GLRA3: variants seen among roughly 807,000 people sequenced by gnomAD.
GLRA3 encodes the protein glycine receptor subunit alpha-3.
A neutral mutation model predicts 60.4 loss-of-function variants in GLRA3; 44 were observed. That is an observed-to-expected ratio of 0.73 (90% confidence interval 0.57 to 0.94). GLRA3 has a LOEUF of 0.94. Ranked by LOEUF, GLRA3 falls within the 40% of genes least tolerant of loss-of-function variation. GLRA3 has a pLI of 0.00. For missense variants in GLRA3, 508 were observed against 564.6 expected (o/e 0.90, Z 1.02); for synonymous variants, 223 against 192.9 (o/e 1.16, Z -1.29).
chr4:174,736,277 T>A (rs1342514239), intron 3 of GLRA3, among the ~76,000 whole-genome samples: 1 of 152,150 alleles, frequency 6.6e-6, no homozygotes, highest in African/African-American at 2.4e-5. Context: ...AGATGATAAA[T>A]TTAAATTTAA....
At chr4:174,729,464 A>G (rs1480947443) in intron 3 of GLRA3, among the ~76,000 whole-genome samples, 2 of 152,208 alleles carry the variant, frequency 1.3e-5, no homozygotes, top group African/African-American at 4.8e-5. Context: ...ATAAAGGACG[A>G]TTATTGTCCA....
intron 4 of GLRA3, among the ~76,000 whole-genome samples, chr4:174,722,067 T>C (rs1736154377): frequency 1.3e-5 from 2 of 152,118 alleles, no homozygotes; most frequent in Non-Finnish European, 2.9e-5. Context: ...TCTATATCTA[T>C]ATCTGTATCT....
At chr4:174,664,085 T>C (rs1733565320) in intron 7 of GLRA3, among the ~76,000 whole-genome samples, 1 of 152,206 alleles carries the variant, frequency 6.6e-6, no homozygotes, top group African/African-American at 2.4e-5. Context: ...GCTCTTTCCA[T>C]GGCTTCTGTG....
chr4:174,772,942 G>A (rs948493193), intron 2 of GLRA3, among the ~76,000 whole-genome samples: 14 of 152,152 alleles, frequency 9.2e-5, no homozygotes, highest in Admixed American at 5.2e-4. Flanking sequence ...AAGGTATCAC[G>A]TTCTACCCCT....
chr4:174,797,577 C>T (rs926892052), intron 1 of GLRA3, among the ~76,000 whole-genome samples: 3 of 151,970 alleles, frequency 2.0e-5, no homozygotes, highest in Admixed American at 2.0e-4. Flanking sequence ...TAAATGTTGG[C>T]AGAAACCAAT....
At chr4:174,742,970 T>C (rs930690363) in intron 3 of GLRA3, among the ~76,000 whole-genome samples, 1 of 152,146 alleles carries the variant, frequency 6.6e-6, no homozygotes, top group Non-Finnish European at 1.5e-5. Context: ...GGACAACCTA[T>C]TTGATTATAT....
At chr4:174,783,638 C>A (rs1490506330) in intron 2 of GLRA3, among the ~76,000 whole-genome samples, 1 of 144,116 alleles carries the variant, frequency 6.9e-6, no homozygotes, top group African/African-American at 2.6e-5. Context: ...AAACAAACAA[C>A]CCCATCAAAA....
At chr4:174,678,092 GGAA>G (rs1734199165) in intron 6 of GLRA3, among the ~76,000 whole-genome samples, 1 of 152,072 alleles carries the variant, frequency 6.6e-6, no homozygotes, top group Admixed American at 6.6e-5. Flanking sequence ...CAAACAAATA[GGAA>G]AATATGTGTT....
At chr4:174,680,584 G>C (rs1206581847) in intron 6 of GLRA3, among the ~76,000 whole-genome samples, 2 of 152,126 alleles carry the variant, frequency 1.3e-5, no homozygotes, top group Non-Finnish European at 2.9e-5. Context: ...AAGGCCCTGA[G>C]ACAGACAGAG....
At position 174,715,518 on chromosome 4, in the gene GLRA3, C is replaced by T. The variant is rs775116852; in HGVS notation, c.544G>A (p.Val182Ile). The T allele has an allele frequency of 9.6e-6, 15 of 1,555,556 alleles. No homozygotes were observed. In the East Asian group the frequency reaches 3.2e-4, roughly 33 times the overall value. Residue 182 changes from valine (V) to isoleucine (I), a missense_variant, in exon 5 of 10, where the codon GTA becomes ATA. By Grantham distance (29) the Val-to-Ile change is conservative. This residue lies in a region of GLRA3 where 329 missense variants were observed against 349.3 expected (regional missense o/e 0.94). Coordinates refer to ENST00000274093, the MANE Select transcript of GLRA3 (RefSeq NM_006529.4). ...PMDLKNFPMD[V>I]QTCIMQLESF... ...TCCAGTTGCATTATACATGTTTGTA[C>T]ATCCATGGGAAAATTCTTGAGATCC...
intron 9 of GLRA3, among the ~76,000 whole-genome samples, chr4:174,647,147 C>T (rs968307792): frequency 2.6e-5 from 4 of 152,114 alleles, no homozygotes; most frequent in African/African-American, 7.2e-5. Flanking sequence ...AGGCTCACGC[C>T]CATAATCGCA....
chr4:174,737,801 G>C (rs7689159), intron 3 of GLRA3, among the ~76,000 whole-genome samples: 61,682 of 151,988 alleles, frequency 0.41, 13,100 homozygotes, highest in African/African-American at 0.5. Flanking sequence ...CGTGAGCCAC[G>C]GTGCCCAGCC....
intron 2 of GLRA3, among the ~76,000 whole-genome samples, chr4:174,767,910 G>A (rs921648419): frequency 1.3e-5 from 2 of 148,934 alleles, no homozygotes; most frequent in African/African-American, 5.2e-5. Context: ...AATTTTCCAG[G>A]TCCTTTATAA....
At chr4:174,683,221 T>C (rs551330455) in intron 5 of GLRA3, among the ~76,000 whole-genome samples, 1 of 152,336 alleles carries the variant, frequency 6.6e-6, no homozygotes, top group African/African-American at 2.4e-5. Context: ...CATTCTTTCC[T>C]TGGGATGGGT....
chr4:174,642,080 T>C lies in GLRA3; in HGVS notation c.*1706A>G. On this transcript the variant is annotated 3_prime_UTR_variant, in exon 10 of 10. Coordinates refer to ENST00000274093, the MANE Select transcript of GLRA3 (RefSeq NM_006529.4). Reference sequence around the variant, plus strand: ...TGCCAAACATGATATTATTTCCTTATAGTGTTGTTTTAAGTTACTTATAAA... The same window carrying C: ...TGCCAAACATGATATTATTTCCTTACAGTGTTGTTTTAAGTTACTTATAAA... 3.5e-6 allele frequency: 3 copies of C among 855,554 alleles called. No homozygotes were observed. Among genetic ancestry groups the C allele is most frequent in the Non-Finnish European group, 4.2e-6 (3 of 711,620 alleles). The allele number at this position is 855,554 out of a possible 1,614,324, so 53.0% of individuals were successfully genotyped here.
chr4:174,824,721 C>T (rs908011144), intron 1 of GLRA3, among the ~76,000 whole-genome samples: 3 of 152,126 alleles, frequency 2.0e-5, no homozygotes, highest in African/African-American at 7.2e-5. Context: ...TCTTACAAGG[C>T]CCACCACAAG....
chr4:174,730,971 G>A (rs975597911), intron 3 of GLRA3, among the ~76,000 whole-genome samples: 2 of 152,062 alleles, frequency 1.3e-5, no homozygotes, highest in Admixed American at 6.5e-5. Flanking sequence ...TTTCAAAATC[G>A]CTAAAAGAAT....
chr4:174,666,593 A>G (rs1733672679), intron 7 of GLRA3, among the ~76,000 whole-genome samples: 1 of 151,874 alleles, frequency 6.6e-6, no homozygotes, highest in Non-Finnish European at 1.5e-5. Flanking sequence ...TTCTAAAAAA[A>G]GTTTTATAAT....
chr4:174,642,793 T>G lies in GLRA3; in HGVS notation c.*993A>C, dbSNP rs528444286. The G allele has an allele frequency of 1.2e-6, 1 of 807,552 alleles. No individual in the cohort carries two copies. Among genetic ancestry groups the G allele is most frequent in the South Asian group, 5.7e-5 (1 of 17,552 alleles). The allele number at this position is 807,552 out of a possible 1,614,324, so 50.0% of individuals were successfully genotyped here. A position where few individuals can be genotyped will look rare whatever the true frequency, so the allele number is the denominator to read the frequency against. ...CATAAAACATTGATGGGAAAATGGTTTTTATTAAAAAATCTTCCATGAATC... is the reference window on the plus strand; with the variant it reads ...CATAAAACATTGATGGGAAAATGGTGTTTATTAAAAAATCTTCCATGAATC... On this transcript the variant is annotated 3_prime_UTR_variant, in exon 10 of 10. Transcript: ENST00000274093.
Sources: allele counts gnomAD v4.1 joint callset (sites outside exome capture counted in the v4.1 genomes callset), GRCh38; gene constraint gnomAD v4.1.1; regional missense constraint gnomAD v4.1.1; transcripts MANE v1.5; gene names NCBI Gene and HGNC (gene_info 2026-07-23, HGNC 2026-07-21).